The following DAP variants were observed in gnomAD, a reference collection of about 807,000 sequenced individuals.
DAP encodes death associated protein.
Under a neutral mutation model 13.8 loss-of-function variants are expected in DAP, and 8 were observed. That is an observed-to-expected ratio of 0.58 (90% CI 0.34 to 1.05). The LOEUF is 1.05. Among genes scored for constraint, DAP ranks in the 50% least tolerant of loss-of-function variants. The pLI is 0.03. For synonymous variants in DAP, 47 were observed against 47.5 expected (o/e 0.99, Z 0.04); for missense variants, 106 against 133.2 (o/e 0.80, Z 1.01).
intron 1 of DAP, among the ~76,000 whole-genome samples, chr5:10,754,793 A>G (rs1740138336): frequency 6.6e-6 from 1 of 152,212 alleles, no homozygotes; most frequent in African/African-American, 2.4e-5. Flanking sequence ...GGCTAGGACT[A>G]GTCAGGTGTT....
chr5:10,713,807 G>A (rs1738912062), intron 2 of DAP, among the ~76,000 whole-genome samples: 1 of 152,250 alleles, frequency 6.6e-6, no homozygotes, highest in African/African-American at 2.4e-5. Context: ...GACAAAGGCG[G>A]GAACATGCAA....
At chr5:10,724,183 C>G (rs1426867179) in intron 2 of DAP, among the ~76,000 whole-genome samples, 4 of 152,172 alleles carry the variant, frequency 2.6e-5, no homozygotes, top group African/African-American at 9.7e-5. Context: ...TAAATACCTA[C>G]CCAGGAACTA....
At chr5:10,746,334 T>G (rs867873756) in intron 2 of DAP, among the ~76,000 whole-genome samples, 8 of 68,440 alleles carry the variant, frequency 1.2e-4, no homozygotes, top group African/African-American at 1.8e-4. Flanking sequence ...TTTTTTTTTG[T>G]TTTTTTTTTT....
chr5:10,709,442 C>T (rs955933241), intron 2 of DAP, among the ~76,000 whole-genome samples: 2 of 152,210 alleles, frequency 1.3e-5, no homozygotes, highest in African/African-American at 4.8e-5. Flanking sequence ...GAGCCCAGTA[C>T]ATCAATCCCA....
chr5:10,746,032 C>T (rs1020275553), intron 2 of DAP, among the ~76,000 whole-genome samples: 4 of 152,184 alleles, frequency 2.6e-5, no homozygotes, highest in South Asian at 2.1e-4. Context: ...TTATCTAATT[C>T]GGTTTGAACA....
chr5:10,712,999 T>C lies in DAP; in HGVS notation c.153-29428A>G, dbSNP rs138075126. Among the ~76,000 whole-genome samples, 1,062 of 152,272 alleles carry C rather than the reference T, an allele frequency of 7.0e-3. 10 individuals are homozygous for C. Among genetic ancestry groups the C allele is most frequent in the Non-Finnish European group, 0.011 (738 of 68,006 alleles). On this transcript the variant is annotated intron_variant, in intron 2 of 3. Coordinates refer to ENST00000230895, the MANE Select transcript of DAP (RefSeq NM_004394.3). Reference sequence around the variant, plus strand: ...AGTGCAGGCCTCCATACGACACATGTACCCATGAACTAGGCTGAGGGAAAA... The same window carrying C: ...AGTGCAGGCCTCCATACGACACATGCACCCATGAACTAGGCTGAGGGAAAA...
In DAP at chr5:10,694,097, G is replaced by A. The variant is rs151015291; in HGVS notation, c.153-10526C>T. On this transcript the variant is annotated intron_variant, in intron 2 of 3. Coordinates refer to ENST00000230895, the MANE Select transcript of DAP (RefSeq NM_004394.3). ...GTCTGAGATCTCCACCATCTCAGAC[G>A]ACTCTGTTCCTCAGTCTCGGGAACA... Among the ~76,000 whole-genome samples, 435 of 152,132 alleles carry A rather than the reference G, an allele frequency of 2.9e-3. 4 individuals carry two copies. Among genetic ancestry groups the A allele is most frequent in the African/African-American group, 9.3e-3 (387 of 41,522 alleles).
At chr5:10,718,330 C>T (rs1739048885) in intron 2 of DAP, among the ~76,000 whole-genome samples, 2 of 152,130 alleles carry the variant, frequency 1.3e-5, no homozygotes, top group South Asian at 4.1e-4. Flanking sequence ...TGGTCAATCC[C>T]CCAGTGCCAG....
At chr5:10,683,046 G>C (rs1579781204) in intron 3 of DAP, 1 of 209,740 alleles carries the variant, frequency 4.8e-6, no homozygotes, top group African/African-American at 2.4e-5. Context: ...TGCCAACTGT[G>C]GGTGTGGCCA....
intron 2 of DAP, among the ~76,000 whole-genome samples, chr5:10,727,488 T>C (rs567831674): frequency 9.9e-5 from 15 of 151,974 alleles, no homozygotes; most frequent in Non-Finnish European, 1.3e-4. Context: ...GAGAGGGTGG[T>C]GGGGATGGGG....
At chr5:10,750,196 T>C (rs1205024340) in intron 1 of DAP, among the ~76,000 whole-genome samples, 2 of 152,104 alleles carry the variant, frequency 1.3e-5, no homozygotes, top group Non-Finnish European at 1.5e-5. Flanking sequence ...TTAAACTGAG[T>C]GGACCCTGCC....
At chr5:10,698,494 A>G (rs527358697) in intron 2 of DAP, among the ~76,000 whole-genome samples, 1 of 152,240 alleles carries the variant, frequency 6.6e-6, no homozygotes, top group African/African-American at 2.4e-5. Flanking sequence ...GGTATAGACC[A>G]GCATCAAAGG....
At chr5:10,732,773 T>G (rs1315818586) in intron 2 of DAP, among the ~76,000 whole-genome samples, 1 of 152,236 alleles carries the variant, frequency 6.6e-6, no homozygotes, top group East Asian at 1.9e-4. Flanking sequence ...AAGGGCCTTG[T>G]TTTTTGTTTT....
intron 2 of DAP, among the ~76,000 whole-genome samples, chr5:10,696,300 G>A (rs543763080): frequency 1.4e-4 from 21 of 152,312 alleles, no homozygotes; most frequent in African/African-American, 5.1e-4. Flanking sequence ...CACAGCCCAG[G>A]CACCACTTCC....
In DAP at chr5:10,759,804, G is replaced by A. The variant is rs146739038; in HGVS notation, c.55+1210C>T. ...CTCGCTCGCTTTGTCGCCAAGGCTG[G>A]AGTGCTTTGGCTCAATCTTGGCTCA... On this transcript the variant is annotated intron_variant, in intron 1 of 3. Transcript: ENST00000230895. 5.1e-5 allele frequency among the ~76,000 whole-genome samples: 7 copies of A among 136,464 alleles called. No individual in the cohort carries two copies. In the East Asian group the frequency reaches 1.4e-3, roughly 28 times the overall value. 89.5% of individuals were successfully genotyped at this position (136,464 alleles called of 152,430 possible). A position where few individuals can be genotyped will look rare whatever the true frequency, so the allele number is the denominator to read the frequency against.
chr5:10,747,899 CTG>C (rs1318235167), intron 2 of DAP, among the ~76,000 whole-genome samples: 7 of 138,048 alleles, frequency 5.1e-5, no homozygotes, highest in African/African-American at 2.0e-4. Context: ...AGGTCTCTAA[CTG>C]TGCAGACAGA....
intron 2 of DAP, among the ~76,000 whole-genome samples, chr5:10,689,947 C>T (rs1184416707): frequency 2.0e-5 from 3 of 152,148 alleles, no homozygotes; most frequent in African/African-American, 7.2e-5. Flanking sequence ...GTGCATTCCA[C>T]CTAATTAACC....
At chr5:10,741,120 G>T (rs1463680659) in intron 2 of DAP, among the ~76,000 whole-genome samples, 9 of 152,228 alleles carry the variant, frequency 5.9e-5, no homozygotes, top group African/African-American at 2.2e-4. Flanking sequence ...GGAGGCTGAG[G>T]TAGGAGGATT....
intron 1 of DAP, among the ~76,000 whole-genome samples, chr5:10,754,047 A>T (rs1415603585): frequency 6.6e-6 from 1 of 152,204 alleles, no homozygotes. Flanking sequence ...CCCAATGCGA[A>T]CAGGGCAAGG....
Sources: gnomAD v4.1 joint callset for allele counts (sites outside exome capture counted in the v4.1 genomes callset) on GRCh38, gnomAD v4.1.1 for gene constraint, MANE v1.5 for transcripts, NCBI Gene and HGNC (gene_info 2026-07-23, HGNC 2026-07-21) for gene names.